CFAP61: variants seen among roughly 807,000 people sequenced by gnomAD.
CFAP61 encodes cilia and flagella associated protein 61.
Under a neutral mutation model 135.6 loss-of-function variants are expected in CFAP61, and 107 were observed. That is an observed-to-expected ratio of 0.79 (90% confidence interval 0.67 to 0.93). CFAP61 has a LOEUF of 0.93. CFAP61 is among the 40% of genes least tolerant of loss of function. CFAP61 has a pLI of 0.00. For missense variants in CFAP61, 1,507 were observed against 1,556.2 expected, an observed-to-expected ratio of 0.97 and a Z score of 0.53; for synonymous variants, 575 against 578.5, an observed-to-expected ratio of 0.99 and a Z score of 0.09.
chr20:20,132,230 A>G lies in CFAP61; in HGVS notation c.860-10627A>G, dbSNP rs193051666. On this transcript the variant is annotated intron_variant, in intron 8 of 26. Transcript: ENST00000245957. ...AACATAGTGTCTTCAAATTTCATCC[A>G]TATTGTTATATATTGCAGATTTTCC... 2.0e-3 allele frequency among the ~76,000 whole-genome samples: 308 copies of G among 152,246 alleles called. 3 individuals carry two copies. Among genetic ancestry groups the G allele is most frequent in the South Asian group, 0.02 (95 of 4,828 alleles).
intron 9 of CFAP61, among the ~76,000 whole-genome samples, chr20:20,148,891 T>C (rs1250377025): frequency 2.0e-5 from 3 of 152,230 alleles, no homozygotes; most frequent in Admixed American, 6.5e-5. Context: ...AAGGAATGCT[T>C]TCAACTTTTC....
At chr20:20,089,582 T>A (rs1458545055) in intron 6 of CFAP61, among the ~76,000 whole-genome samples, 1 of 87,574 alleles carries the variant, frequency 1.1e-5, no homozygotes, top group African/African-American at 3.9e-5. Flanking sequence ...AGAAAGAGTA[T>A]CAGAGAAAAA....
At chr20:20,285,905 A>G (rs2054549501) in intron 22 of CFAP61, among the ~76,000 whole-genome samples, 1 of 146,688 alleles carries the variant, frequency 6.8e-6, no homozygotes, top group Non-Finnish European at 1.5e-5. Flanking sequence ...TGGGTGACAA[A>G]GTGAGACCCT....
At position 20,199,797 on chromosome 20, in the gene CFAP61, A is replaced by G. The variant is rs2056512587; in HGVS notation, c.1827A>G (p.Thr609=). 6.2e-7 allele frequency: 1 copy of G among 1,614,122 alleles called. No individual in the cohort carries two copies. The highest frequency in any genetic ancestry group is 8.5e-7 in the Non-Finnish European group (1 of 1,179,994). Residue 609 remains threonine, a synonymous_variant, in exon 17 of 27, where the codon ACA becomes ACG. Transcript: ENST00000245957. Reference sequence around the variant, plus strand: ...AGAACCCCTACGCCCACTCCCTGACATCTGCCCTTCATTACTTGGTTCCCG... The same window carrying G: ...AGAACCCCTACGCCCACTCCCTGACGTCTGCCCTTCATTACTTGGTTCCCG... ...KFQNPYAHSL[T]SALHYLVPVR...
intron 26 of CFAP61, among the ~76,000 whole-genome samples, chr20:20,354,959 A>AG: frequency 4.9e-5 from 1 of 20,614 alleles, no homozygotes; most frequent in African/African-American, 1.8e-4. Flanking sequence ...ACTGAGGGGA[A>AG]GTGGTCACAC....
chr20:20,058,853 G>A (rs1052005975), intron 2 of CFAP61, among the ~76,000 whole-genome samples: 2 of 152,150 alleles, frequency 1.3e-5, no homozygotes, highest in African/African-American at 2.4e-5. Flanking sequence ...CCCAGATAAA[G>A]TTGCAAGGTA....
chr20:20,223,295 C>A (rs544521221), intron 17 of CFAP61, among the ~76,000 whole-genome samples: 3 of 152,076 alleles, frequency 2.0e-5, no homozygotes, highest in Admixed American at 6.6e-5. Context: ...ATTTTATACC[C>A]GAGGAAACTG....
intron 8 of CFAP61, among the ~76,000 whole-genome samples, chr20:20,111,713 A>G (rs892727454): frequency 2.8e-4 from 42 of 152,286 alleles, no homozygotes; most frequent in African/African-American, 9.9e-4. Flanking sequence ...AAGATATTTC[A>G]TTTCTGTTTA....
At chr20:20,345,110 A>G (rs1260199042) in intron 26 of CFAP61, among the ~76,000 whole-genome samples, 1 of 152,218 alleles carries the variant, frequency 6.6e-6, no homozygotes, top group Non-Finnish European at 1.5e-5. Flanking sequence ...AAGGGTGGCA[A>G]GAAGTGGGTG....
At chr20:20,101,918 A>G (rs572952887) in intron 8 of CFAP61, among the ~76,000 whole-genome samples, 4 of 152,134 alleles carry the variant, frequency 2.6e-5, no homozygotes, top group Non-Finnish European at 5.9e-5. Flanking sequence ...GTAAGCCACC[A>G]TGCCCGGCCA....
At chr20:20,180,825 A>G (rs1385045851) in intron 13 of CFAP61, among the ~76,000 whole-genome samples, 4 of 152,220 alleles carry the variant, frequency 2.6e-5, no homozygotes, top group African/African-American at 7.2e-5. Context: ...CTATGCAGCC[A>G]TAAAAAAGAA....
At chr20:20,118,743 C>T (rs2049375926) in intron 8 of CFAP61, among the ~76,000 whole-genome samples, 2 of 152,224 alleles carry the variant, frequency 1.3e-5, no homozygotes, top group Middle Eastern at 3.4e-3. Context: ...GAAATGATCA[C>T]ATAGTTTTTG....
chr20:20,292,535 C>T (rs756047922), intron 24 of CFAP61, among the ~76,000 whole-genome samples: 15 of 152,216 alleles, frequency 9.9e-5, no homozygotes, highest in Non-Finnish European at 2.1e-4. Flanking sequence ...ACAGTGGGCA[C>T]AGATTGTCTC....
intron 21 of CFAP61, among the ~76,000 whole-genome samples, chr20:20,272,662 G>A (rs1167477309): frequency 2.0e-5 from 3 of 152,014 alleles, no homozygotes; most frequent in Non-Finnish European, 4.4e-5. Flanking sequence ...ACTTGCCCTC[G>A]GTTTGTCCCG....
At chr20:20,145,187 A>G (rs1243013160) in intron 9 of CFAP61, among the ~76,000 whole-genome samples, 3 of 152,184 alleles carry the variant, frequency 2.0e-5, no homozygotes, top group African/African-American at 2.4e-5. Context: ...TTCACAAACA[A>G]AAATAGCGCC....
At chr20:20,171,910 T>C in intron 13 of CFAP61, 6 of 568,202 alleles carry the variant, frequency 1.1e-5, no homozygotes, top group South Asian at 2.5e-5. Context: ...CGGAGCACCG[T>C]AGCCACATTG....
At chr20:20,146,685 T>C (rs769822472) in intron 9 of CFAP61, among the ~76,000 whole-genome samples, 1 of 152,374 alleles carries the variant, frequency 6.6e-6, no homozygotes, top group South Asian at 2.1e-4. Flanking sequence ...AAATACTTAA[T>C]GATCTTTGCA....
At chr20:20,177,840 G>A (rs1028432) in intron 13 of CFAP61, among the ~76,000 whole-genome samples, 136,896 of 151,628 alleles carry the variant, frequency 0.9, 62,618 homozygotes, top group Middle Eastern at 0.99. Context: ...GTGACAGGAA[G>A]GGTGGCCATG....
intron 6 of CFAP61, among the ~76,000 whole-genome samples, chr20:20,090,039 A>T (rs1402440871): frequency 6.6e-6 from 1 of 152,216 alleles, no homozygotes; most frequent in South Asian, 2.1e-4. Flanking sequence ...GTTTTTAGGC[A>T]TTGGAATTCT....
Sources: allele counts gnomAD v4.1 joint callset (sites outside exome capture counted in the v4.1 genomes callset), GRCh38; gene constraint gnomAD v4.1.1; transcripts MANE v1.5; gene names NCBI Gene and HGNC (gene_info 2026-07-23, HGNC 2026-07-21).